CAMK2D: variants seen among roughly 807,000 people sequenced by gnomAD.
CAMK2D encodes calcium/calmodulin dependent protein kinase II delta.
Under a neutral mutation model 84.0 loss-of-function variants are expected in CAMK2D, and 37 were observed. The observed-to-expected ratio is 0.44, with a 90% confidence interval of 0.34 to 0.58. CAMK2D has a LOEUF of 0.58. Ranked by LOEUF, CAMK2D falls within the 20% of genes least tolerant of loss-of-function variation. CAMK2D has a pLI of 0.02. For synonymous variants in CAMK2D, 202 were observed against 212.5 expected (o/e 0.95, Z 0.43); for missense variants, 448 against 652.5 (o/e 0.69, Z 3.41).
chr4:113,517,392 G>A (rs952785186), intron 9 of CAMK2D, among the ~76,000 whole-genome samples, 171 bp downstream of exon 9: 2 of 152,108 alleles, frequency 1.3e-5, no homozygotes, highest in African/African-American at 2.4e-5. Context: ...AAAAGGAAAC[G>A]TAAACTGGAT....
rs2098602545 is a variant in CAMK2D at position 113,548,806 on chromosome 4, A to G, written c.342-1090T>C. ...ATCACATTGAATATGAAATAAAATG[A>G]AAGTCCCAATGAAACAAACAAACAA... On this transcript the variant is annotated intron_variant, in intron 5 of 20. Coordinates refer to ENST00000511664, the MANE Select transcript of CAMK2D (RefSeq NM_001321571.2). 8.5e-6 allele frequency: 6 copies of G among 708,966 alleles called. No individual in the cohort carries two copies. The Admixed American group carries it at 1.5e-4, about 18-fold the overall frequency. 43.9% of individuals were successfully genotyped at this position (708,966 alleles called of 1,614,324 possible).
At chr4:113,485,031 A>G (rs1202334993) in intron 16 of CAMK2D, among the ~76,000 whole-genome samples, 1 of 152,196 alleles carries the variant, frequency 6.6e-6, no homozygotes, top group Non-Finnish European at 1.5e-5. Flanking sequence ...CACGTGGTTC[A>G]GTGCAGTGGT....
intron 2 of CAMK2D, among the ~76,000 whole-genome samples, chr4:113,668,293 C>T (rs2099265619): frequency 6.6e-6 from 1 of 152,072 alleles, no homozygotes; most frequent in Admixed American, 6.6e-5. Flanking sequence ...AGAGACAAGC[C>T]AGAGAAATGG....
chr4:113,553,708 A>G (rs1357061698), intron 4 of CAMK2D, among the ~76,000 whole-genome samples: 1 of 152,220 alleles, frequency 6.6e-6, no homozygotes, highest in Non-Finnish European at 1.5e-5. Flanking sequence ...TAAGATTATC[A>G]TATAAATCTT....
At position 113,563,779 on chromosome 4, in the gene CAMK2D, T is replaced by C. The variant is rs115312800; in HGVS notation, c.276-11683A>G. ...ATTATTCAAGTCTGGAGTGTATCTG[T>C]ACTCAACTATTGTGTTAAGAACAGT... On this transcript the variant is annotated intron_variant, in intron 4 of 20. Coordinates refer to ENST00000511664, the MANE Select transcript of CAMK2D (RefSeq NM_001321571.2). Among the ~76,000 whole-genome samples the C allele has an allele frequency of 5.3e-3, 813 of 152,354 alleles. 3 individuals carry two copies. The highest frequency in any genetic ancestry group is 7.9e-3 in the Non-Finnish European group (538 of 68,034).
At chr4:113,574,522 T>C (rs2098770916) in intron 4 of CAMK2D, among the ~76,000 whole-genome samples, 1 of 152,226 alleles carries the variant, frequency 6.6e-6, no homozygotes, top group African/African-American at 2.4e-5. Flanking sequence ...CCCAAAAGCC[T>C]GATTCCTCAC....
intron 2 of CAMK2D, among the ~76,000 whole-genome samples, chr4:113,680,998 G>A (rs1342166460): frequency 6.6e-6 from 1 of 152,168 alleles, no homozygotes; most frequent in Non-Finnish European, 1.5e-5. Context: ...AAGGATTTCT[G>A]TAATTTTCCT....
chr4:113,505,902 G>A (rs1209447920), intron 13 of CAMK2D, among the ~76,000 whole-genome samples: 1 of 152,022 alleles, frequency 6.6e-6, no homozygotes, highest in Non-Finnish European at 1.5e-5. Context: ...AACTGAGTCG[G>A]GGCACTAAGA....
intron 2 of CAMK2D, among the ~76,000 whole-genome samples, chr4:113,669,770 G>T (rs571137602): frequency 6.6e-6 from 1 of 152,262 alleles, no homozygotes; most frequent in Non-Finnish European, 1.5e-5. Flanking sequence ...TAGGCAGGAG[G>T]AGTAAACCAG....
At position 113,451,095 on chromosome 4, in the gene CAMK2D, C is replaced by T. The variant is rs1237406595; in HGVS notation, c.*3450G>A. The T allele has an allele frequency of 6.6e-6, 1 of 152,110 alleles. No individual in the cohort carries two copies. The highest frequency in any genetic ancestry group is 1.9e-4 in the East Asian group (1 of 5,198). The allele number at this position is 152,110 out of a possible 1,614,324, so 9.4% of individuals were successfully genotyped here. ...TCGAAAGCTGTGTCATCTATGTTTA[C>T]CCTTAAATTATAATTTTTTACATAA... On this transcript the variant is annotated 3_prime_UTR_variant, in exon 21 of 21. Coordinates refer to ENST00000511664, the MANE Select transcript of CAMK2D (RefSeq NM_001321571.2).
At chr4:113,580,642 G>A (rs1402406645) in intron 4 of CAMK2D, among the ~76,000 whole-genome samples, 1 of 152,022 alleles carries the variant, frequency 6.6e-6, no homozygotes, top group Non-Finnish European at 1.5e-5. Context: ...ATCAAATTCA[G>A]GTGTAAAAAC....
chr4:113,689,113 G>A lies in CAMK2D; in HGVS notation c.161-27341C>T, dbSNP rs186035912. Among the ~76,000 whole-genome samples, 459 of 152,120 alleles carry A rather than the reference G, an allele frequency of 3.0e-3. 1 individual carries two copies. The highest frequency in any genetic ancestry group is 0.011 in the African/African-American group (446 of 41,510). On this transcript the variant is annotated intron_variant, in intron 2 of 20. Coordinates refer to ENST00000511664, the MANE Select transcript of CAMK2D (RefSeq NM_001321571.2). ...TACAAAAAACTAGCCGGGCATGGTG[G>A]CAGGCACCTGTAGTCCCAGCTACTT...
intron 2 of CAMK2D, among the ~76,000 whole-genome samples, chr4:113,752,743 C>T (rs923509600): frequency 6.6e-6 from 1 of 152,094 alleles, no homozygotes; most frequent in Admixed American, 6.5e-5. Flanking sequence ...ATTTTCCTAC[C>T]ATTTTATAAT....
chr4:113,512,619 C>T (rs183825945), intron 12 of CAMK2D, among the ~76,000 whole-genome samples: 1 of 152,188 alleles, frequency 6.6e-6, no homozygotes, highest in African/African-American at 2.4e-5. Flanking sequence ...TGTCGCCAGG[C>T]TGGAGTGCAG....
chr4:113,529,375 A>T (rs2098443151), intron 8 of CAMK2D, among the ~76,000 whole-genome samples: 1 of 152,194 alleles, frequency 6.6e-6, no homozygotes, highest in Non-Finnish European at 1.5e-5. Flanking sequence ...AAACTAAAAC[A>T]AGTCTAAAAA....
At chr4:113,487,565 A>G (rs1040887891) in intron 16 of CAMK2D, among the ~76,000 whole-genome samples, 4 of 152,094 alleles carry the variant, frequency 2.6e-5, no homozygotes, top group Non-Finnish European at 5.9e-5. Context: ...AATTTTAGAT[A>G]TTAAAGAAAT....
chr4:113,523,808 CAAAT>C lies in CAMK2D; in HGVS notation c.602-6155_602-6152del, dbSNP rs893638119. Reference sequence around the variant, plus strand: ...ATAAATAAATAAATAAACAAACAAACAAATAAATAAATAATTAGTACATAAAACA... The same window carrying C: ...ATAAATAAATAAATAAACAAACAAACAAATAAATAATTAGTACATAAAACA... On this transcript the variant is annotated intron_variant, in intron 8 of 20. Coordinates refer to ENST00000511664, the MANE Select transcript of CAMK2D (RefSeq NM_001321571.2). Among the ~76,000 whole-genome samples the C allele has an allele frequency of 2.0e-4, 31 of 151,814 alleles. No homozygotes were observed. In the East Asian group the frequency reaches 2.9e-3, roughly 14 times the overall value.
intron 16 of CAMK2D, among the ~76,000 whole-genome samples, chr4:113,478,685 G>A (rs2097660971): frequency 6.6e-6 from 1 of 151,962 alleles, no homozygotes; most frequent in Non-Finnish European, 1.5e-5. Flanking sequence ...TTACATTTTT[G>A]TGTAGCTTAA....
intron 2 of CAMK2D, among the ~76,000 whole-genome samples, chr4:113,693,289 G>A (rs949615502): frequency 6.6e-6 from 1 of 152,106 alleles, no homozygotes; most frequent in African/African-American, 2.4e-5. Flanking sequence ...ATTCCTAGGA[G>A]ACCAGCCTGG....
Sources: allele counts gnomAD v4.1 joint callset (sites outside exome capture counted in the v4.1 genomes callset), GRCh38; gene constraint gnomAD v4.1.1; transcripts MANE v1.5; gene names NCBI Gene and HGNC (gene_info 2026-07-23, HGNC 2026-07-21).